Variants in RIN3 observed in about 807,000 individuals in gnomAD.
RIN3 encodes the protein Ras and Rab interactor 3, also known as RAB5 interacting protein 3.
In RIN3, 54 loss-of-function variants were observed where a neutral mutation model predicts 76.3. The ratio of observed to expected loss-of-function variants is 0.71; its 90% confidence interval spans 0.57 to 0.89. The LOEUF (loss-of-function observed/expected upper bound fraction) is 0.89, where lower values mean the gene tolerates loss of function less well. RIN3 is among the 40% of genes least tolerant of loss of function. The pLI, the probability that RIN3 is intolerant of heterozygous loss-of-function variation, is 0.00. For synonymous variants in RIN3, 576 were observed against 564.0 expected, an observed-to-expected ratio of 1.02 and a Z score of -0.30; for missense variants, 1,256 against 1,322.1, an observed-to-expected ratio of 0.95 and a Z score of 0.78.
At chr14:92,629,607 C>A (rs1030884906) in intron 4 of RIN3, among the ~76,000 whole-genome samples, 2 of 152,252 alleles carry the variant, frequency 1.3e-5, no homozygotes, top group East Asian at 1.9e-4. Context: ...TCCCTGCCTC[C>A]AGACCCTATT....
chr14:92,538,673 GAAC>G (rs1897065742), intron 1 of RIN3, among the ~76,000 whole-genome samples: 1 of 152,192 alleles, frequency 6.6e-6, no homozygotes, highest in Non-Finnish European at 1.5e-5. Context: ...GTCTTAGCCA[GAAC>G]AAGAGTGCAG....
intron 6 of RIN3, among the ~76,000 whole-genome samples, chr14:92,654,182 C>T (rs969336955): frequency 5.3e-5 from 8 of 152,000 alleles, no homozygotes; most frequent in Middle Eastern, 3.4e-3. Context: ...GGTGTGGTGG[C>T]GCATGCCTAT....
intron 4 of RIN3, among the ~76,000 whole-genome samples, chr14:92,628,331 T>C (rs1445573726): frequency 6.6e-6 from 1 of 152,170 alleles, no homozygotes; most frequent in Non-Finnish European, 1.5e-5. Context: ...TCAAGCAGCA[T>C]TGCAACTGCA....
intron 4 of RIN3, among the ~76,000 whole-genome samples, chr14:92,634,529 C>T (rs1003391636): frequency 1.3e-5 from 2 of 152,038 alleles, no homozygotes; most frequent in African/African-American, 2.4e-5. Flanking sequence ...TGATTCTCAC[C>T]GAAGGCTGCA....
Position 92,688,122 on chromosome 14 carries a change from T to C in RIN3, c.2828T>C (p.Ile943Thr), listed in dbSNP as rs758940222. The C allele has an allele frequency of 1.0e-4, 164 of 1,609,600 alleles. 1 individual carries two copies. Among genetic ancestry groups the C allele is most frequent in the Non-Finnish European group, 1.3e-4 (157 of 1,178,690 alleles). ...QLADDALPHC[I>T]KGYLLRSEPK... ...GCGGACGACGCGCTGCCGCACTGCA[T>C]CAAGGGCTACCTGCTGCGCAGCGAG... is the stretch of plus-strand genomic sequence containing the variant. Residue 943 changes from isoleucine to threonine, a missense_variant, in exon 10 of 10, where the codon ATC (isoleucine) becomes ACC (threonine). Coordinates refer to ENST00000216487, the MANE Select transcript of RIN3 (RefSeq NM_024832.5).
In RIN3 at chr14:92,688,154, C is replaced by G. The variant is rs1336845126; in HGVS notation, c.2860C>G (p.Arg954Gly). 1 of 1,610,202 alleles carries G rather than the reference C, an allele frequency of 6.2e-7. No homozygotes were observed. Among genetic ancestry groups the G allele is most frequent in the Admixed American group, 1.7e-5 (1 of 59,902 alleles). Residue 954 changes from arginine to glycine, a missense_variant, in exon 10 of 10, where the codon CGC (arginine) becomes GGC (glycine). By Grantham distance (125) the Arg-to-Gly change is moderately radical. Around this residue, in one of 3 missense-constraint regions of RIN3, gnomAD observed 218 missense variants for 174.5 expected, o/e 1.25. Coordinates refer to ENST00000216487, the MANE Select transcript of RIN3 (RefSeq NM_024832.5). ...CTACCTGCTGCGCAGCGAGCCCAAG[C>G]GCGACTTCCACTTTGTCTACCGGCC... The part of the protein sequence containing the change: ...KGYLLRSEPK[R>G]DFHFVYRPLD...
rs1231530653 is a variant in RIN3 at position 92,688,366 on chromosome 14, G to A, written c.*114G>A. ...AGAGGGACATGGGCCATTCCATGACGTGCCCAGGCCAACGTCGCAGGACAG... is the reference window on the plus strand; with the variant it reads ...AGAGGGACATGGGCCATTCCATGACATGCCCAGGCCAACGTCGCAGGACAG... On this transcript the variant is annotated 3_prime_UTR_variant, in exon 10 of 10. Coordinates refer to ENST00000216487, the MANE Select transcript of RIN3 (RefSeq NM_024832.5). 10 of 1,023,788 alleles carry A rather than the reference G, an allele frequency of 9.8e-6. No individual in the cohort carries two copies. In the East Asian group the frequency reaches 1.6e-4, roughly 16 times the overall value. The allele number at this position is 1,023,788 out of a possible 1,614,324, so 63.4% of individuals were successfully genotyped here. A position where few individuals can be genotyped will look rare whatever the true frequency, so the allele number is the denominator to read the frequency against.
intron 1 of RIN3, among the ~76,000 whole-genome samples, chr14:92,553,754 C>T (rs1470500478): frequency 6.6e-6 from 1 of 152,060 alleles, no homozygotes; most frequent in Non-Finnish European, 1.5e-5. Flanking sequence ...TTCACACTGA[C>T]CTTGACACAC....
At position 92,682,477 on chromosome 14, in the gene RIN3, T is replaced by G. The variant is rs145752218; in HGVS notation, c.2468-2510T>G. Reference sequence around the variant, plus strand: ...GAAGCACCTAGTAAGGATGGCATTTTGCATCCAGGGAACTATGGGCCCAGC... The same window carrying G: ...GAAGCACCTAGTAAGGATGGCATTTGGCATCCAGGGAACTATGGGCCCAGC... On this transcript the variant is annotated intron_variant, in intron 8 of 9. Transcript: ENST00000216487. 7.3e-3 allele frequency among the ~76,000 whole-genome samples: 1,107 copies of G among 152,366 alleles called. 15 individuals carry two copies. The highest frequency in any genetic ancestry group is 0.026 in the African/African-American group (1,068 of 41,574).
chr14:92,672,163 T>C (rs1888307306), intron 7 of RIN3, among the ~76,000 whole-genome samples: 4 of 151,978 alleles, frequency 2.6e-5, no homozygotes, highest in Admixed American at 2.6e-4. Context: ...TCCAGCACTT[T>C]AGGAGGCTGA....
chr14:92,566,572 G>C (rs934518663), intron 2 of RIN3, among the ~76,000 whole-genome samples: 1 of 152,194 alleles, frequency 6.6e-6, no homozygotes, highest in Non-Finnish European at 1.5e-5. Flanking sequence ...TGCCGCCAGA[G>C]CCAGAATCAG....
intron 1 of RIN3, among the ~76,000 whole-genome samples, chr14:92,548,150 G>A (rs1023954528): frequency 6.6e-6 from 1 of 152,158 alleles, no homozygotes; most frequent in East Asian, 1.9e-4. Context: ...ATGTCACTGT[G>A]TGTGTTTGTG....
chr14:92,546,389 C>A (rs1030648228), intron 1 of RIN3, among the ~76,000 whole-genome samples: 1 of 152,180 alleles, frequency 6.6e-6, no homozygotes, highest in African/African-American at 2.4e-5. Flanking sequence ...CTATTCTCTA[C>A]TTGCTGTTTT....
chr14:92,647,459 GTA>G (rs1467870264), intron 5 of RIN3, among the ~76,000 whole-genome samples: 1 of 152,190 alleles, frequency 6.6e-6, no homozygotes, highest in Non-Finnish European at 1.5e-5. Context: ...GTTACAGTGT[GTA>G]TGTGTTTAAT....
intron 2 of RIN3, chr14:92,576,284 G>A: frequency 7.8e-7 from 1 of 1,289,510 alleles, no homozygotes; most frequent in Non-Finnish European, 1.0e-6. Context: ...CGCTCCCCAT[G>A]CTTGCCTTCG....
chr14:92,647,644 AATATTT>A (rs547160250), intron 5 of RIN3, among the ~76,000 whole-genome samples: 137 of 152,274 alleles, frequency 9.0e-4, no homozygotes, highest in Middle Eastern at 3.4e-3. Flanking sequence ...ATGCCACATG[AATATTT>A]ATTCACTGGC....
At chr14:92,549,670 A>G (rs1426797504) in intron 1 of RIN3, among the ~76,000 whole-genome samples, 1 of 152,182 alleles carries the variant, frequency 6.6e-6, no homozygotes, top group African/African-American at 2.4e-5. Flanking sequence ...AAATCCCCAT[A>G]GAAGCTGAGA....
Position 92,652,294 on chromosome 14 carries a change from C to A in RIN3, c.1245C>A (p.Pro415=). 6.2e-7 allele frequency: 1 copy of A among 1,610,080 alleles called. No individual in the cohort carries two copies. The part of the protein sequence containing the change: ...AAEGDQLSLP[P]QGTSDGPEDT... ...AGGGGGACCAGCTCAGCCTGCCTCC[C>A]CAAGGGACCTCAGACGGCCCTGAGG... Residue 415 remains proline, a synonymous_variant, in exon 6 of 10, where the codon CCC becomes CCA. Transcript: ENST00000216487. The surrounding 1 kb of genome is among the most constrained non-coding windows in gnomAD (Gnocchi z 6.4).
intron 1 of RIN3, among the ~76,000 whole-genome samples, chr14:92,522,090 T>C (rs1018413709): frequency 2.0e-5 from 3 of 152,122 alleles, no homozygotes; most frequent in Non-Finnish European, 4.4e-5. Context: ...GGGGCCCCCT[T>C]GGCTATGGGT....
Sources: allele counts gnomAD v4.1 joint callset (sites outside exome capture counted in the v4.1 genomes callset), GRCh38; gene constraint gnomAD v4.1.1; regional missense constraint gnomAD v4.1.1; non-coding constraint Gnocchi (gnomAD v3.1); transcripts MANE v1.5; gene names NCBI Gene and HGNC (gene_info 2026-07-23, HGNC 2026-07-21).